FRMD8: variants seen among roughly 807,000 people sequenced by gnomAD.
The protein encoded by FRMD8 is FERM domain-containing protein 8.
In FRMD8, 37 loss-of-function variants were observed where a neutral mutation model predicts 54.2. That is an observed-to-expected ratio of 0.68 (90% CI 0.53 to 0.90). FRMD8 has a LOEUF of 0.90. Ranked by LOEUF, FRMD8 falls within the 40% of genes least tolerant of loss-of-function variation. The probability of loss-of-function intolerance (pLI) is 0.00; values close to 1 mark genes in which losing one functional copy is unlikely to be tolerated. For missense variants in FRMD8, 585 were observed against 653.7 expected (o/e 0.89, Z 1.15); for synonymous variants, 246 against 286.9 (o/e 0.86, Z 1.44).
chr11:65,381,670 C>T, upstream of FRMD8: 1 of 460,178 alleles, frequency 2.2e-6, no homozygotes, highest in Non-Finnish European at 4.0e-6. Flanking sequence ...TGAGCTCAAG[C>T]AATCCTCCTA....
At chr11:65,388,121 A>T (rs1201627405) in intron 2 of FRMD8, among the ~76,000 whole-genome samples, 1 of 151,424 alleles carries the variant, frequency 6.6e-6, no homozygotes, top group African/African-American at 2.4e-5. Context: ...CTGAGCTCGC[A>T]CCATTGCACT....
In FRMD8 at chr11:65,411,248, G is replaced by T; in HGVS notation, c.1283G>T (p.Gly428Val). Reference protein sequence around the residue: ...STIDYVEDGKGIRRVKPKRTT... With the variant: ...STIDYVEDGKVIRRVKPKRTT... Reference sequence around the variant, plus strand: ...CCCTCCCATTCCCTCGCAGGCAAGGGGATCAGGCGAGTGAAGCCGAAGCGC... The same window carrying T: ...CCCTCCCATTCCCTCGCAGGCAAGGTGATCAGGCGAGTGAAGCCGAAGCGC... The change falls in exon 11 of 11, where the codon GGG becomes GTG. Residue 428 changes from glycine (G) to valine (V), a missense_variant. Transcript: ENST00000317568. 4 of 1,606,214 alleles carry T rather than the reference G, an allele frequency of 2.5e-6. No individual in the cohort carries two copies. The highest frequency in any genetic ancestry group is 2.5e-6 in the Non-Finnish European group (3 of 1,177,070).
At chr11:65,396,056 G>A (rs1290002193) in intron 6 of FRMD8, among the ~76,000 whole-genome samples, 3 of 152,254 alleles carry the variant, frequency 2.0e-5, no homozygotes, top group African/African-American at 7.2e-5. Flanking sequence ...CACACTGCGG[G>A]TGCTCAGGGT....
rs368785338 is a variant in FRMD8 at position 65,411,293 on chromosome 11, G to C, written c.1328G>C (p.Arg443Pro). ...AAGCGCACCACATCCTTCTTCAGCC[G>C]GCAGCTGTCCTTGGGCCAGGGGAGC... is the stretch of plus-strand genomic sequence containing the variant. The part of the protein sequence containing the change: ...KPKRTTSFFS[R>P]QLSLGQGSYT... The change falls in exon 11 of 11, where the codon CGG becomes CCG. Residue 443 changes from arginine (R) to proline (P), a missense_variant. Transcript: ENST00000317568. 2 of 1,609,442 alleles carry C rather than the reference G, an allele frequency of 1.2e-6. No individual in the cohort carries two copies. The highest frequency in any genetic ancestry group is 1.7e-6 in the Non-Finnish European group (2 of 1,179,158).
chr11:65,377,189 G>A, the FRMD8 span: 1 of 1,460,034 alleles, frequency 6.8e-7, no homozygotes, highest in South Asian at 1.4e-5. Context: ...AGTCCCTCAG[G>A]AACCCTGCCG....
intron 10 of FRMD8, among the ~76,000 whole-genome samples, chr11:65,405,931 G>A (rs1205540352): frequency 6.6e-6 from 1 of 152,050 alleles, no homozygotes; most frequent in East Asian, 1.9e-4. Context: ...CTGAGCCCAG[G>A]AGTTGGAGGT....
At position 65,408,996 on chromosome 11, in the gene FRMD8, G is replaced by A. The variant is rs543607911; in HGVS notation, c.1277-2246G>A. Among the ~76,000 whole-genome samples, 27 of 152,222 alleles carry A rather than the reference G, an allele frequency of 1.8e-4. No homozygotes were observed. The South Asian group carries it at 5.6e-3, about 32-fold the overall frequency. Reference sequence around the variant, plus strand: ...TGTACCCTCCCCAGCAGAGAAGATGGTGTCTGCCTCCCATGCCCTCACCCA... The same window carrying A: ...TGTACCCTCCCCAGCAGAGAAGATGATGTCTGCCTCCCATGCCCTCACCCA... On this transcript the variant is annotated intron_variant, in intron 10 of 10. Transcript: ENST00000317568.
chr11:65,393,060 T>G (rs534053902), intron 3 of FRMD8, among the ~76,000 whole-genome samples: 66 of 152,210 alleles, frequency 4.3e-4, no homozygotes, highest in African/African-American at 1.4e-3. Context: ...GGGTTGCGTG[T>G]GGGCCACGGA....
chr11:65,388,865 G>A (rs770725996), intron 2 of FRMD8, among the ~76,000 whole-genome samples: 4 of 152,160 alleles, frequency 2.6e-5, no homozygotes, highest in Admixed American at 6.6e-5. Flanking sequence ...GGACAGCAGC[G>A]GGTTACCAGC....
chr11:65,407,867 G>C (rs1856238345), intron 10 of FRMD8, among the ~76,000 whole-genome samples: 1 of 136,186 alleles, frequency 7.3e-6, no homozygotes, highest in Non-Finnish European at 1.6e-5. Context: ...CTGGGCGACA[G>C]AGCGAGACTC....
rs145190786 is a variant in FRMD8 at position 65,386,660 on chromosome 11, C to T, written c.-102C>T. 5.2e-5 allele frequency: 13 copies of T among 250,612 alleles called. No individual in the cohort carries two copies. The East Asian group carries it at 8.7e-4, about 17-fold the overall frequency. 15.5% of individuals were successfully genotyped at this position (250,612 alleles called of 1,614,324 possible). On this transcript the variant is annotated 5_prime_UTR_variant, in exon 1 of 11. Transcript: ENST00000317568. ...GCGTCGCTTCCCGGTCAGCTGCGTC[C>T]TTAGCGGGAGCCCGAGTGCGGGCGG... is the stretch of plus-strand genomic sequence containing the variant.
chr11:65,387,695 C>T (rs1855761552), intron 2 of FRMD8, among the ~76,000 whole-genome samples: 1 of 152,042 alleles, frequency 6.6e-6, no homozygotes. Flanking sequence ...CCCGCCACCA[C>T]GCCTGGCTAA....
the FRMD8 span, chr11:65,380,249 A>G: frequency 6.2e-7 from 1 of 1,609,578 alleles, no homozygotes; most frequent in Admixed American, 1.7e-5. Flanking sequence ...GCCAAGAGGA[A>G]AGAGGGGTTC....
intron 3 of FRMD8, among the ~76,000 whole-genome samples, chr11:65,391,344 C>G (rs189517335): frequency 6.6e-6 from 1 of 152,088 alleles, no homozygotes; most frequent in African/African-American, 2.4e-5. Flanking sequence ...GGGCTGTAGG[C>G]AGCAGGAAGG....
chr11:65,394,143 T>A (rs1258089341), intron 5 of FRMD8, 44 bp downstream of exon 5: 1 of 1,607,902 alleles, frequency 6.2e-7, no homozygotes, highest in African/African-American at 1.3e-5. Context: ...TGGCCCCTTG[T>A]GCCCAGCCTC....
At chr11:65,395,883 A>G (rs550660071) in intron 6 of FRMD8, among the ~76,000 whole-genome samples, 2 of 152,358 alleles carry the variant, frequency 1.3e-5, no homozygotes, top group South Asian at 4.1e-4. Context: ...GATTCTAGGC[A>G]GGTGGGGGCT....
At chr11:65,411,094 C>G (rs1479684568) in intron 10 of FRMD8, 148 bp from the exon 11 acceptor site, 1 of 590,124 alleles carries the variant, frequency 1.7e-6, no homozygotes, top group East Asian at 3.0e-5. Context: ...GCATGCTGAG[C>G]GGGGCTGAGG....
Position 65,405,052 on chromosome 11 carries a change from C to T in FRMD8, c.1260C>T (p.Ile420=), listed in dbSNP as rs751673574. The part of the protein sequence containing the change: ...VSSRIQHLST[I]DYVEDGKGIR... ...GCCGGATCCAGCATCTCTCCACCAT[C>T]GACTACGTGGAGGACGGTGAGCAGC... Residue 420 remains isoleucine, a synonymous_variant, in exon 10 of 11, where the codon ATC becomes ATT. Transcript: ENST00000317568. 3.1e-6 allele frequency: 5 copies of T among 1,613,414 alleles called. No individual in the cohort carries two copies. The highest frequency in any genetic ancestry group is 4.2e-6 in the Non-Finnish European group (5 of 1,179,910).
chr11:65,400,656 G>A lies in FRMD8; in HGVS notation c.928-68G>A. The stretch of plus-strand genomic sequence containing the variant: ...GCACACACCCTGGCCAGGTGTCTGA[G>A]TGGGATGGGGTGGGGAGCAGACCTC... On this transcript the variant is annotated intron_variant, in intron 8 of 10. Coordinates refer to ENST00000317568, the MANE Select transcript of FRMD8 (RefSeq NM_031904.5). The surrounding 1 kb of genome is among the most constrained non-coding windows in gnomAD (Gnocchi z 4.3). 1 of 1,448,944 alleles carries A rather than the reference G, an allele frequency of 6.9e-7. No individual in the cohort carries two copies. Among genetic ancestry groups the A allele is most frequent in the South Asian group, 1.4e-5 (1 of 69,800 alleles). The allele number at this position is 1,448,944 out of a possible 1,614,324, so 89.8% of individuals were successfully genotyped here.
Sources: allele counts gnomAD v4.1 joint callset (sites outside exome capture counted in the v4.1 genomes callset), GRCh38; gene constraint gnomAD v4.1.1; non-coding constraint Gnocchi (gnomAD v3.1); transcripts MANE v1.5; gene names NCBI Gene and HGNC (gene_info 2026-07-23, HGNC 2026-07-21).